The following CRLF3 variants were observed in gnomAD, a reference collection of about 807,000 sequenced individuals.
CRLF3 encodes the protein cytokine receptor-like factor 3.
CRLF3 carries 33 observed loss-of-function variants against 55.0 expected under a neutral mutation model. The observed-to-expected ratio is 0.60, with a 90% CI of 0.46 to 0.80. The LOEUF (loss-of-function observed/expected upper bound fraction) is 0.80. Among genes scored for constraint, CRLF3 ranks in the 30% least tolerant of loss-of-function variants. The pLI is 0.00. For missense variants in CRLF3, 494 were observed against 538.4 expected, an observed-to-expected ratio of 0.92 and a Z score of 0.82; for synonymous variants, 238 against 196.8, an observed-to-expected ratio of 1.21 and a Z score of -1.75.
chr17:30,797,235 C>A (rs1971932046), intron 3 of CRLF3, 76 bp downstream of exon 3: 1 of 1,026,070 alleles, frequency 9.7e-7, no homozygotes, highest in South Asian at 1.3e-5. Context: ...TAATGAGAAT[C>A]TTGAACAGAG....
intron 2 of CRLF3, among the ~76,000 whole-genome samples, chr17:30,802,400 G>A (rs547302850): frequency 3.3e-5 from 5 of 151,654 alleles, no homozygotes; most frequent in East Asian, 1.9e-4. Flanking sequence ...GATTACAGGC[G>A]TGAGCCACCG....
intron 2 of CRLF3, among the ~76,000 whole-genome samples, chr17:30,797,737 C>A (rs1335320329): frequency 1.3e-5 from 2 of 150,092 alleles, no homozygotes; most frequent in African/African-American, 4.9e-5. Context: ...GGAGCCAGTA[C>A]AAAATATTGC....
At chr17:30,786,066 T>TA (rs1385191664) in intron 6 of CRLF3, 35 bp from the exon 7 acceptor site, 1 of 1,142,018 alleles carries the variant, frequency 8.8e-7, no homozygotes, top group Non-Finnish European at 1.3e-6. Context: ...TTCATACTTT[T>TA]AAAAATATAA....
In CRLF3 at chr17:30,824,583, C is replaced by T. The variant is rs199562193; in HGVS notation, c.69G>A (p.Ala23=). The T allele has an allele frequency of 4.1e-5, 66 of 1,604,932 alleles. No homozygotes were observed. Among genetic ancestry groups the T allele is most frequent in the Non-Finnish European group, 5.6e-5 (66 of 1,179,032 alleles). Residue 23 remains alanine (A), a synonymous_variant, in exon 1 of 8, where the codon GCG becomes GCA. Transcript: ENST00000324238. ...LQEARENVEA[A]QSYRRELGHR... ...GACCCAGCTCCCGCCGGTAGCTCTG[C>T]GCTGCCTCCACGTTCTCGCGGGCCT...
At chr17:30,799,158 A>T (rs1971967146) in intron 2 of CRLF3, among the ~76,000 whole-genome samples, 1 of 151,890 alleles carries the variant, frequency 6.6e-6, no homozygotes, top group African/African-American at 2.4e-5. Flanking sequence ...CTATAATCCC[A>T]GCTACTCGGG....
chr17:30,784,182 A>G lies in CRLF3; in HGVS notation c.*5T>C. The G allele has an allele frequency of 6.2e-7, 1 of 1,610,338 alleles. No individual in the cohort carries two copies. Among genetic ancestry groups the G allele is most frequent in the South Asian group, 1.1e-5 (1 of 90,676 alleles). ...CCTGAAAACCAAAGCCAAGCACCCA[A>G]ACATCTAAAACACTAACACTTTCCA... On this transcript the variant is annotated 3_prime_UTR_variant, in exon 8 of 8. Coordinates refer to ENST00000324238, the MANE Select transcript of CRLF3 (RefSeq NM_015986.4).
rs369587488 is a variant in CRLF3, at chr17:30,817,766, T to C, written c.129+6757A>G. Among the ~76,000 whole-genome samples, 97 of 149,552 alleles carry C rather than the reference T, an allele frequency of 6.5e-4. 3 individuals are homozygous for C. In the South Asian group the frequency reaches 0.02, roughly 31 times the overall value. ...ACTAAAAATACAAAAATTAGCTGGG[T>C]GTGGTGGCAGGCGCCTGTAGTCCCA... On this transcript the variant is annotated intron_variant, in intron 1 of 7. Transcript: ENST00000324238.
intron 6 of CRLF3, among the ~76,000 whole-genome samples, chr17:30,790,277 T>C (rs570932588): frequency 5.5e-4 from 83 of 152,290 alleles, no homozygotes; most frequent in African/African-American, 1.9e-3. Context: ...AGAGGAGAGC[T>C]TGTTACACTA....
At position 30,824,537 on chromosome 17, in the gene CRLF3, C is replaced by A; in HGVS notation, c.115G>T (p.Glu39Ter). 1 of 1,593,230 alleles carries A rather than the reference C, an allele frequency of 6.3e-7. No individual in the cohort carries two copies. ...ELGHRLEGLR[E>*]ARRQIKESAS... ...GGCCCTCCGACCTGCCTCCGCGCCT[C>A]ACGCAGCCCCTCAAGCCGGTGACCC... is the stretch of plus-strand genomic sequence containing the variant. Residue 39 changes from glutamate to a stop codon, truncating the protein, a stop_gained, in exon 1 of 8, where the codon GAG becomes TAG. Transcript: ENST00000324238. LOFTEE classifies it high-confidence loss of function.
chr17:30,813,696 G>T (rs1262884378), intron 1 of CRLF3, among the ~76,000 whole-genome samples: 3 of 151,598 alleles, frequency 2.0e-5, no homozygotes, highest in African/African-American at 7.3e-5. Flanking sequence ...TTGGTATGCT[G>T]CCCCTATTAA....
At chr17:30,791,841 TTTTTAA>T (rs1413566007) in intron 6 of CRLF3, among the ~76,000 whole-genome samples, 1 of 151,552 alleles carries the variant, frequency 6.6e-6, no homozygotes, top group African/African-American at 2.4e-5. Context: ...TAAGATTTAC[TTTTTAA>T]TTTTGTGTGT....
At chr17:30,800,669 C>G (rs1971993081) in intron 2 of CRLF3, among the ~76,000 whole-genome samples, 2 of 151,512 alleles carry the variant, frequency 1.3e-5, no homozygotes, top group South Asian at 4.1e-4. Context: ...GGGTCTTGCT[C>G]TGTTGCCCAG....
At chr17:30,823,295 G>A (rs1905049537) in intron 1 of CRLF3, among the ~76,000 whole-genome samples, 1 of 151,842 alleles carries the variant, frequency 6.6e-6, no homozygotes. Context: ...CCGGGAGGCG[G>A]AGGTTGTTGC....
chr17:30,784,057 A>C lies in CRLF3; in HGVS notation c.*130T>G. On this transcript the variant is annotated 3_prime_UTR_variant, in exon 8 of 8. Transcript: ENST00000324238. ...CTTTTTGCTAAAATATTACAAAATG[A>C]ATCCAGTAAACACTTTCCAATGGCC... 1 of 747,060 alleles carries C rather than the reference A, an allele frequency of 1.3e-6. No individual in the cohort carries two copies. The highest frequency in any genetic ancestry group is 2.6e-5 in the East Asian group (1 of 38,856). 46.3% of individuals were successfully genotyped at this position (747,060 alleles called of 1,614,324 possible). A position where few individuals can be genotyped will look rare whatever the true frequency, so the allele number is the denominator to read the frequency against.
intron 1 of CRLF3, among the ~76,000 whole-genome samples, chr17:30,805,958 G>C (rs1474668067): frequency 6.6e-6 from 1 of 152,178 alleles, no homozygotes; most frequent in Admixed American, 6.6e-5. Context: ...AGGGGGTCGA[G>C]ACTGCAGTAA....
At position 30,824,634 on chromosome 17, in the gene CRLF3, C is replaced by A; in HGVS notation, c.18G>T (p.Glu6Asp). The A allele has an allele frequency of 6.2e-7, 1 of 1,600,138 alleles. No individual in the cohort carries two copies. The highest frequency in any genetic ancestry group is 8.5e-7 in the Non-Finnish European group (1 of 1,177,440). The change falls in exon 1 of 8, where the codon GAG (glutamate) becomes GAT (aspartate). Residue 6 changes from glutamate (E) to aspartate (D), a missense_variant. Physicochemically the swap from Glu to Asp is conservative, Grantham distance 45 (BLOSUM62 2). Transcript: ENST00000324238. MRGAMELEPELLLQEA... is the reference protein window; with the variant it reads MRGAMDLEPELLLQEA... ...CCTGCAACAGCAGCTCAGGCTCCAG[C>A]TCCATCGCCCCCCTCATCTGGCCGC...
Position 30,784,149 on chromosome 17 carries a change from C to T in CRLF3, c.*38G>A, listed in dbSNP as rs200555762. The T allele has an allele frequency of 3.1e-6, 5 of 1,592,622 alleles. No individual in the cohort carries two copies. Among genetic ancestry groups the T allele is most frequent in the African/African-American group, 2.7e-5 (2 of 74,116 alleles). On this transcript the variant is annotated 3_prime_UTR_variant, in exon 8 of 8. Transcript: ENST00000324238. ...AACTACGCTGGGCTGAGGACAGCTA[C>T]GTTAGACCCTGAAAACCAAAGCCAA...
Position 30,800,773 on chromosome 17 carries a change from AT to A in CRLF3, c.337+3127del, listed in dbSNP as rs562388803. Among the ~76,000 whole-genome samples, 1,018 of 128,754 alleles carry A rather than the reference AT, an allele frequency of 7.9e-3. 10 individuals are homozygous for A. The highest frequency in any genetic ancestry group is 0.023 in the African/African-American group (781 of 34,598). 84.5% of individuals were successfully genotyped at this position (128,754 alleles called of 152,430 possible). A position where few individuals can be genotyped will look rare whatever the true frequency, so the allele number is the denominator to read the frequency against. ...TTGTGTGTGCCACCATGCCTGGCTA[AT>A]TTTTTTTTTTTTTTTTTTGAGACGG... On this transcript the variant is annotated intron_variant, in intron 2 of 7. Transcript: ENST00000324238.
rs1361875039 is a variant in CRLF3 at position 30,786,018 on chromosome 17, CCA to C, written c.971_972del (p.Val324GlyfsTer8). ...ATGCTATCTCTTCTGTCTGGCTGTC[CCA>C]CAGTTTCAACTCTGTAAATGAAGTA... ...GQTLTFRVETVGQPDRRDSIG... is the reference protein window; with the variant it reads ...GQTLTFRVETXGQPDRRDSIG... On this transcript the variant is annotated frameshift_variant, in exon 7 of 8. Transcript: ENST00000324238. LOFTEE classifies it high-confidence loss of function. The C allele has an allele frequency of 1.9e-6, 3 of 1,600,284 alleles. No individual in the cohort carries two copies. The highest frequency in any genetic ancestry group is 1.3e-5 in the African/African-American group (1 of 74,558).
Sources: gnomAD v4.1 joint callset for allele counts (sites outside exome capture counted in the v4.1 genomes callset) on GRCh38, gnomAD v4.1.1 for gene constraint, MANE v1.5 for transcripts, NCBI Gene and HGNC (gene_info 2026-07-23, HGNC 2026-07-21) for gene names.